PAK3: variants seen among roughly 807,000 people sequenced by gnomAD.
PAK3 encodes the protein serine/threonine-protein kinase PAK 3.
In PAK3, 4 loss-of-function variants were observed where a neutral mutation model predicts 41.0. That is an observed-to-expected ratio of 0.10 (90% CI 0.05 to 0.22). PAK3 has a LOEUF of 0.22. Ranked by LOEUF, PAK3 falls within the 10% of genes least tolerant of loss-of-function variation. The probability of loss-of-function intolerance (pLI) is 1.00; values close to 1 mark genes in which losing one functional copy is unlikely to be tolerated. For synonymous variants in PAK3, 146 were observed against 139.6 expected (o/e 1.05, Z -0.32); for missense variants, 205 against 409.9 (o/e 0.50, Z 4.32).
At chrX:111,032,599 T>A (rs1054261382) in intron 1 of PAK3, among the ~76,000 whole-genome samples, 2 of 111,628 alleles carry the variant, frequency 1.8e-5, no homozygotes, top group African/African-American at 6.5e-5. Context: ...AAACGAAAAC[T>A]GCCCAATGCT....
At chrX:111,110,172 C>A (rs902375028) in intron 4 of PAK3, among the ~76,000 whole-genome samples, 1 of 112,460 alleles carries the variant, frequency 8.9e-6, no homozygotes, top group South Asian at 3.7e-4. Context: ...TGAAAATAAA[C>A]TGTAAACATC....
chrX:111,214,885 G>T (rs1268147415), intron 16 of PAK3, among the ~76,000 whole-genome samples: 1 of 111,684 alleles, frequency 9.0e-6, no homozygotes, highest in Non-Finnish European at 1.9e-5. Context: ...AGTTCAGGGG[G>T]AACATGTCTT....
At chrX:111,175,792 C>G (rs1024667379) in intron 11 of PAK3, among the ~76,000 whole-genome samples, 2 of 111,948 alleles carry the variant, frequency 1.8e-5, no homozygotes, top group Non-Finnish European at 3.8e-5. Context: ...GAGATTTCCT[C>G]TCTTGGCTAT....
intron 1 of PAK3, among the ~76,000 whole-genome samples, chrX:111,037,420 C>T (rs1443039736): frequency 8.9e-6 from 1 of 111,781 alleles, no homozygotes; most frequent in Non-Finnish European, 1.9e-5. Context: ...CTTTTTTAGC[C>T]TTCTCACATT....
At chrX:110,983,207 A>G (rs2091477645) in intron 1 of PAK3, among the ~76,000 whole-genome samples, 1 of 111,403 alleles carries the variant, frequency 9.0e-6, no homozygotes, top group Admixed American at 9.6e-5. Context: ...TTCCTGATTA[A>G]TTCACTTTTT....
intron 1 of PAK3, among the ~76,000 whole-genome samples, chrX:111,005,389 C>G (rs752582323): frequency 3.1e-4 from 35 of 111,709 alleles, no homozygotes; most frequent in African/African-American, 1.1e-3. Context: ...AGAACAGATA[C>G]ATTGAAGCCG....
In PAK3 at chrX:111,224,883, G is replaced by A. The variant is rs1338823125; in HGVS notation, c.*4436G>A. On this transcript the variant is annotated 3_prime_UTR_variant, in exon 18 of 18. Coordinates refer to ENST00000372007, the MANE Select transcript of PAK3 (RefSeq NM_002578.5). ...TCTCAATACAGAAATACTTAGGGGAGTCTTAACCCTGCCATCCCCGGTTGA... is the reference window on the plus strand; with the variant it reads ...TCTCAATACAGAAATACTTAGGGGAATCTTAACCCTGCCATCCCCGGTTGA... The A allele has an allele frequency of 8.9e-6, 1 of 112,254 alleles. No homozygotes were observed. The highest frequency in any genetic ancestry group is 1.9e-5 in the Non-Finnish European group (1 of 53,281). 9.3% of individuals were successfully genotyped at this position (112,254 alleles called of 1,213,427 possible).
At chrX:111,191,547 TGA>T (rs1483056279) in intron 11 of PAK3, among the ~76,000 whole-genome samples, 12 of 111,861 alleles carry the variant, frequency 1.1e-4, no homozygotes, top group Non-Finnish European at 1.9e-5. Context: ...AGTACAGCAC[TGA>T]GAGAGATTGG....
chrX:111,129,946 C>A (rs752866186), intron 5 of PAK3, among the ~76,000 whole-genome samples: 3 of 111,482 alleles, frequency 2.7e-5, no homozygotes, highest in African/African-American at 9.8e-5. Flanking sequence ...GCAAATGAGG[C>A]CTCCTTTTTC....
chrX:110,968,975 A>G (rs2091138830), intron 1 of PAK3, among the ~76,000 whole-genome samples: 1 of 109,574 alleles, frequency 9.1e-6, no homozygotes, highest in South Asian at 3.9e-4. Flanking sequence ...TTACATGTAA[A>G]TCTATGATCT....
At chrX:111,052,650 T>A (rs147659643) in intron 1 of PAK3, among the ~76,000 whole-genome samples, 1 of 112,327 alleles carries the variant, frequency 8.9e-6, no homozygotes, top group Non-Finnish European at 1.9e-5. Context: ...AGCTACTGAG[T>A]GATAGAGAAA....
chrX:111,154,863 C>CA (rs1160014643), intron 8 of PAK3, among the ~76,000 whole-genome samples: 33 of 105,537 alleles, frequency 3.1e-4, no homozygotes, highest in East Asian at 1.2e-3. Flanking sequence ...GGTATTCTGG[C>CA]AAAAAAAAAA....
chrX:110,981,505 T>G (rs1602637865), intron 1 of PAK3, among the ~76,000 whole-genome samples: 1 of 109,312 alleles, frequency 9.1e-6, no homozygotes, highest in Non-Finnish European at 1.9e-5. Context: ...TAAAGGGGCA[T>G]GATCTCCATC....
rs1308410827 is a variant in PAK3 at position 111,097,391 on chromosome X, A to G, written c.-351A>G. The G allele has an allele frequency of 1.9e-5, 2 of 105,117 alleles. No individual in the cohort carries two copies. The highest frequency in any genetic ancestry group is 3.9e-5 in the Non-Finnish European group (2 of 51,225). 8.7% of individuals were successfully genotyped at this position (105,117 alleles called of 1,213,427 possible). A position where few individuals can be genotyped will look rare whatever the true frequency, so the allele number is the denominator to read the frequency against. On this transcript the variant is annotated splice_region_variant and 5_prime_UTR_variant, in exon 2 of 18. Coordinates refer to ENST00000372007, the MANE Select transcript of PAK3 (RefSeq NM_002578.5). ...TTTTTTTTTGGTCCCACCTTTCAGA[A>G]TCCAGTTCCAGATTCTAGACTTGAG...
intron 11 of PAK3, among the ~76,000 whole-genome samples, chrX:111,174,113 A>T (rs898669889): frequency 3.6e-5 from 4 of 111,569 alleles, no homozygotes; most frequent in African/African-American, 1.3e-4. Context: ...GAGAAGGTAG[A>T]ATTTCTTCAA....
At chrX:111,112,077 A>T (rs1192691957) in intron 4 of PAK3, among the ~76,000 whole-genome samples, 1 of 111,762 alleles carries the variant, frequency 8.9e-6, no homozygotes, top group Non-Finnish European at 1.9e-5. Context: ...TCAACCTTAG[A>T]CATCTGCTAC....
At chrX:111,056,613 A>G (rs2092607160) in intron 1 of PAK3, among the ~76,000 whole-genome samples, 1 of 112,053 alleles carries the variant, frequency 8.9e-6, no homozygotes, top group Non-Finnish European at 1.9e-5. Context: ...AATATATGCT[A>G]TGCAGTACAT....
At chrX:111,197,870 A>G (rs922626498) in intron 16 of PAK3, among the ~76,000 whole-genome samples, 1 of 111,080 alleles carries the variant, frequency 9.0e-6, no homozygotes, top group African/African-American at 3.3e-5. Flanking sequence ...AATTTTTTAT[A>G]TTTTTGGTAA....
At chrX:111,217,064 G>A (rs763390978) in intron 17 of PAK3, 13 of 736,813 alleles carry the variant, frequency 1.8e-5, no homozygotes, top group East Asian at 1.5e-4. Context: ...TCCTTTTCAC[G>A]GCTCCCAGGG....
Sources: allele counts gnomAD v4.1 joint callset (sites outside exome capture counted in the v4.1 genomes callset), GRCh38; gene constraint gnomAD v4.1.1; transcripts MANE v1.5; gene names NCBI Gene and HGNC (gene_info 2026-07-23, HGNC 2026-07-21).